The following PHKB variants were observed in gnomAD, a reference collection of about 807,000 sequenced individuals.
PHKB encodes the protein phosphorylase kinase regulatory subunit beta.
PHKB carries 122 observed loss-of-function variants against 152.1 expected under a neutral mutation model. The ratio of observed to expected loss-of-function variants is 0.80; its 90% CI spans 0.69 to 0.93. The LOEUF (loss-of-function observed/expected upper bound fraction) is 0.93. PHKB is among the 40% of genes least tolerant of loss of function. PHKB has a pLI of 0.00. For synonymous variants in PHKB, 436 were observed against 464.9 expected, an observed-to-expected ratio of 0.94 and a Z score of 0.80; for missense variants, 1,304 against 1,328.4, an observed-to-expected ratio of 0.98 and a Z score of 0.29.
At chr16:47,569,060 C>T (rs1490320547) in intron 7 of PHKB, among the ~76,000 whole-genome samples, 1 of 152,084 alleles carries the variant, frequency 6.6e-6, no homozygotes, top group Non-Finnish European at 1.5e-5. Flanking sequence ...AGTTTATGTC[C>T]AGTGTTTCTT....
At chr16:47,534,127 C>T (rs886133455) in intron 6 of PHKB, among the ~76,000 whole-genome samples, 5 of 152,244 alleles carry the variant, frequency 3.3e-5, no homozygotes, top group African/African-American at 1.2e-4. Flanking sequence ...CTCCCGCCAA[C>T]CCCACAGAGC....
chr16:47,503,144 T>A, intron 4 of PHKB, 54 bp downstream of exon 4: 1 of 1,119,724 alleles, frequency 8.9e-7, no homozygotes, highest in Non-Finnish European at 1.4e-6. Flanking sequence ...AGGATTAATT[T>A]AACTAGTATC....
intron 1 of PHKB, chr16:47,462,877 A>C (rs957411239): frequency 1.3e-5 from 2 of 152,228 alleles, no homozygotes; most frequent in Non-Finnish European, 2.9e-5. Flanking sequence ...CCATCTATGA[A>C]GTATGAGATA....
chr16:47,462,670 C>G (rs1373553052), intron 1 of PHKB: 2 of 149,540 alleles, frequency 1.3e-5, no homozygotes, highest in African/African-American at 4.9e-5. Flanking sequence ...CTAATATGTT[C>G]TCCTTACGTT....
At chr16:47,524,154 T>C (rs1414906699) in intron 6 of PHKB, among the ~76,000 whole-genome samples, 1 of 152,062 alleles carries the variant, frequency 6.6e-6, no homozygotes, top group Admixed American at 6.5e-5. Flanking sequence ...GTTTGATGAG[T>C]TTTGTCAATA....
chr16:47,479,473 G>A (rs1173898953), intron 1 of PHKB, among the ~76,000 whole-genome samples: 3 of 128,722 alleles, frequency 2.3e-5, no homozygotes, highest in Non-Finnish European at 3.2e-5. Context: ...TTTTTTTTTC[G>A]CAAGATAGTA....
intron 14 of PHKB, among the ~76,000 whole-genome samples, chr16:47,624,362 G>C (rs777274632): frequency 6.6e-6 from 1 of 152,182 alleles, no homozygotes; most frequent in Non-Finnish European, 1.5e-5. Context: ...TGGCAAAGAA[G>C]AATGAATAAC....
At chr16:47,651,507 A>G (rs899252070) in intron 20 of PHKB, among the ~76,000 whole-genome samples, 1 of 152,154 alleles carries the variant, frequency 6.6e-6, no homozygotes, top group African/African-American at 2.4e-5. Context: ...TTTCAAGGTC[A>G]CTGGGCTTTG....
chr16:47,590,564 C>T (rs773123110), intron 10 of PHKB: 12 of 152,200 alleles, frequency 7.9e-5, no homozygotes, highest in Non-Finnish European at 1.5e-4. Flanking sequence ...ATGTTTCTTT[C>T]CTATTTAATA....
intron 12 of PHKB, among the ~76,000 whole-genome samples, chr16:47,595,175 G>C (rs968283020): frequency 2.0e-5 from 3 of 152,076 alleles, no homozygotes; most frequent in East Asian, 1.9e-4. Context: ...TTAATATTTA[G>C]TATTAGATCT....
chr16:47,511,737 G>T lies in PHKB; in HGVS notation c.478G>T (p.Glu160Ter). ...HSVFNVHTGD[E>*]LLSYEEYGHL... ...TGTTTTCAATGTGCATACAGGAGAT[G>T]AGTTGCTTTCCTATGAGGAATATGG... The change falls in exon 5 of 31, where the codon GAG becomes TAG. Residue 160 changes from glutamate (E) to a stop codon, truncating the protein, a stop_gained. Coordinates refer to ENST00000323584, the MANE Select transcript of PHKB (RefSeq NM_000293.3). LOFTEE classifies it high-confidence loss of function. The T allele has an allele frequency of 6.2e-7, 1 of 1,610,780 alleles. No individual in the cohort carries two copies. The highest frequency in any genetic ancestry group is 8.5e-7 in the Non-Finnish European group (1 of 1,176,960).
rs71661595 is a variant in PHKB, at chr16:47,477,999, TTTAAA to T, written c.76+16575_76+16579del. Reference sequence around the variant, plus strand: ...GTAAAGAAAGAGAAAATTATATACTTTTAAATAAAATAGAGAAAAGCTTCCTAAAT... The same window carrying T: ...GTAAAGAAAGAGAAAATTATATACTTTAAAATAGAGAAAAGCTTCCTAAAT... On this transcript the variant is annotated intron_variant, in intron 1 of 30. Transcript: ENST00000323584. Among the ~76,000 whole-genome samples the T allele has an allele frequency of 4.2e-3, 634 of 152,252 alleles. 6 individuals carry two copies. The highest frequency in any genetic ancestry group is 0.015 in the African/African-American group (604 of 41,564).
chr16:47,675,315 T>TA (rs1487066636), intron 26 of PHKB, among the ~76,000 whole-genome samples: 1 of 151,996 alleles, frequency 6.6e-6, no homozygotes, highest in East Asian at 1.9e-4. Flanking sequence ...TGATTCTGGG[T>TA]AAAAAATGTG....
At chr16:47,659,543 A>G (rs1433799938) in intron 20 of PHKB, among the ~76,000 whole-genome samples, 3 of 152,218 alleles carry the variant, frequency 2.0e-5, no homozygotes, top group Admixed American at 1.3e-4. Flanking sequence ...ATTCATTTAT[A>G]CTGTTCATAC....
At chr16:47,618,379 A>G (rs935410281) in intron 14 of PHKB, among the ~76,000 whole-genome samples, 5 of 152,150 alleles carry the variant, frequency 3.3e-5, no homozygotes, top group Admixed American at 6.5e-5. Flanking sequence ...GCTCTCTGGA[A>G]CTAGGAGCCC....
intron 1 of PHKB, among the ~76,000 whole-genome samples, chr16:47,489,055 T>C (rs1483743773): frequency 1.3e-5 from 2 of 152,158 alleles, no homozygotes; most frequent in African/African-American, 4.8e-5. Flanking sequence ...TTTTTTTATT[T>C]GTATTTGTAT....
At chr16:47,561,280 G>A (rs1204029225) in intron 7 of PHKB, 1 of 152,182 alleles carries the variant, frequency 6.6e-6, no homozygotes, top group Non-Finnish European at 1.5e-5. Flanking sequence ...AGATGGGCCT[G>A]GGCATCATTG....
intron 4 of PHKB, among the ~76,000 whole-genome samples, chr16:47,507,723 T>C (rs1970444723): frequency 6.6e-6 from 1 of 152,168 alleles, no homozygotes; most frequent in Admixed American, 6.5e-5. Context: ...GTAGCTATGA[T>C]ATAGACCATT....
At chr16:47,616,559 TAA>T (rs1485763216) in intron 14 of PHKB, among the ~76,000 whole-genome samples, 10 of 146,528 alleles carry the variant, frequency 6.8e-5, no homozygotes, top group African/African-American at 2.2e-4. Context: ...AAACATATGT[TAA>T]TATATATTTT....
Sources: allele counts gnomAD v4.1 joint callset (sites outside exome capture counted in the v4.1 genomes callset), GRCh38; gene constraint gnomAD v4.1.1; transcripts MANE v1.5; gene names NCBI Gene and HGNC (gene_info 2026-07-23, HGNC 2026-07-21).